ATAD2: variants seen among roughly 807,000 people sequenced by gnomAD.
ATAD2 encodes the protein ATPase family AAA domain-containing protein 2.
Under a neutral mutation model 168.9 loss-of-function variants are expected in ATAD2, and 62 were observed. That is an observed-to-expected ratio of 0.37 (90% CI 0.30 to 0.45). ATAD2 has a LOEUF of 0.45. Among genes scored for constraint, ATAD2 ranks in the 20% least tolerant of loss-of-function variants. The pLI is 1.00. For synonymous variants in ATAD2, 613 were observed against 571.6 expected, an observed-to-expected ratio of 1.07 and a Z score of -1.03; for missense variants, 1,419 against 1,667.8, an observed-to-expected ratio of 0.85 and a Z score of 2.60.
chr8:123,408,709 G>C (rs1813104574), intron 1 of ATAD2, among the ~76,000 whole-genome samples: 1 of 152,136 alleles, frequency 6.6e-6, no homozygotes, highest in Non-Finnish European at 1.5e-5. Flanking sequence ...TAGAGACAGG[G>C]TTTCACCATG....
At chr8:123,362,159 G>T (rs575552531) in intron 8 of ATAD2, among the ~76,000 whole-genome samples, 2 of 152,094 alleles carry the variant, frequency 1.3e-5, no homozygotes, top group Non-Finnish European at 2.9e-5. Flanking sequence ...AGGTATGGTT[G>T]TAGCACATCT....
At chr8:123,356,946 A>G (rs1003459700) in intron 12 of ATAD2, among the ~76,000 whole-genome samples, 1 of 152,190 alleles carries the variant, frequency 6.6e-6, no homozygotes, top group Non-Finnish European at 1.5e-5. Flanking sequence ...TAGATTTCAC[A>G]TAGCTATCGT....
Position 123,334,005 on chromosome 8 carries a change from T to C in ATAD2, c.3351A>G (p.Lys1117=), listed in dbSNP as rs998777496. The part of the protein sequence containing the change: ...SRKKRGCSSS[K]YAPSYYHVMP... ...TCACATGGTAGTAAGACGGGGCATA[T>C]TTGGAGGAGCTACAACCTTATAAAT... Residue 1117 remains lysine, a synonymous_variant, in exon 24 of 28, where the codon AAA becomes AAG. Coordinates refer to ENST00000287394, the MANE Select transcript of ATAD2 (RefSeq NM_014109.4). The C allele has an allele frequency of 1.9e-6, 3 of 1,613,814 alleles. No homozygotes were observed. The African/African-American group carries it at 4.0e-5, about 22-fold the overall frequency.
At chr8:123,372,981 CT>C (rs958344591) in intron 2 of ATAD2, among the ~76,000 whole-genome samples, 2 of 151,910 alleles carry the variant, frequency 1.3e-5, no homozygotes, top group African/African-American at 4.8e-5. Context: ...CAAGCTCCCC[CT>C]CCTGGGTTCA....
rs201866636 is a variant in ATAD2, at chr8:123,359,558, T to A, written c.1266+19A>T. 9.5e-5 allele frequency: 149 copies of A among 1,576,530 alleles called. 2 individuals carry two copies. The East Asian group carries it at 3.3e-3, about 35-fold the overall frequency. ...AGCACATTATAGTTCAAGCATATGTTTCAAAACAGAGTACTCACTGAAGAA... is the reference window on the plus strand; with the variant it reads ...AGCACATTATAGTTCAAGCATATGTATCAAAACAGAGTACTCACTGAAGAA... On this transcript the variant is annotated intron_variant, in intron 10 of 27. Transcript: ENST00000287394.
At chr8:123,359,998 T>C (rs1243416087) in intron 9 of ATAD2, among the ~76,000 whole-genome samples, 6 of 152,156 alleles carry the variant, frequency 3.9e-5, no homozygotes, top group Non-Finnish European at 8.8e-5. Context: ...TTAATGGAGG[T>C]GTCTAACACA....
In ATAD2 at chr8:123,371,729, C is replaced by T; in HGVS notation, c.477G>A (p.Arg159=). 1.2e-6 allele frequency: 2 copies of T among 1,613,526 alleles called. No individual in the cohort carries two copies. Among genetic ancestry groups the T allele is most frequent in the East Asian group, 2.2e-5 (1 of 44,836 alleles). ...TTACACCACTATAACGACTTCTAATCCTACAACTTCGACGCACTTCAACAT... is the reference window on the plus strand; with the variant it reads ...TTACACCACTATAACGACTTCTAATTCTACAACTTCGACGCACTTCAACAT... ...NGDVEVRRSC[R]IRSRYSGVNQ... Residue 159 remains arginine, a synonymous_variant, in exon 4 of 28, where the codon AGG becomes AGA. Transcript: ENST00000287394.
intron 26 of ATAD2, among the ~76,000 whole-genome samples, chr8:123,324,019 A>C (rs145511077): frequency 0.01 from 1,532 of 152,348 alleles, 27 homozygotes; most frequent in African/African-American, 0.036. Flanking sequence ...CCCAAACAAC[A>C]TAACACGGTG....
At chr8:123,353,125 A>G (rs1828525874) in intron 13 of ATAD2, among the ~76,000 whole-genome samples, 1 of 152,056 alleles carries the variant, frequency 6.6e-6, no homozygotes, top group African/African-American at 2.4e-5. Flanking sequence ...GCACTTTGGG[A>G]GGCTGAGGCA....
At chr8:123,342,417 C>T (rs1325763011) in intron 19 of ATAD2, 2 of 151,876 alleles carry the variant, frequency 1.3e-5, no homozygotes, top group African/African-American at 2.4e-5. Context: ...AAGATTTGTG[C>T]TCACTTCAGC....
intron 1 of ATAD2, among the ~76,000 whole-genome samples, chr8:123,408,555 C>A (rs544110161): frequency 6.6e-6 from 1 of 152,246 alleles, no homozygotes; most frequent in African/African-American, 2.4e-5. Context: ...TCACTCTTGT[C>A]GCCCAGGCTG....
intron 15 of ATAD2, chr8:123,347,899 G>A (rs892987028): frequency 1.4e-5 from 5 of 370,258 alleles, no homozygotes; most frequent in African/African-American, 1.1e-4. Context: ...ATAATATATT[G>A]TATTTTGTAC....
chr8:123,325,752 A>G, intron 26 of ATAD2, 141 bp downstream of exon 26: 2 of 1,091,108 alleles, frequency 1.8e-6, no homozygotes, highest in Non-Finnish European at 2.6e-6. Flanking sequence ...GAAGGAGAAG[A>G]ACAGTAAAGG....
At chr8:123,322,631 C>G (rs147932055) in intron 27 of ATAD2, among the ~76,000 whole-genome samples, 240 of 152,236 alleles carry the variant, frequency 1.6e-3, no homozygotes, top group Middle Eastern at 0.014. Flanking sequence ...TGAGATCGCA[C>G]CACTGCACTC....
intron 27 of ATAD2, among the ~76,000 whole-genome samples, chr8:123,321,987 C>CGTTTTTTTTTTTTTTTTTT (rs1827481754): frequency 7.3e-6 from 1 of 136,484 alleles, no homozygotes; most frequent in African/African-American, 2.8e-5. Flanking sequence ...GTACATAAGT[C>CGTTTTTTTTTTTTTTTTTT]TTTTTTTTTT....
At position 123,321,225 on chromosome 8, in the gene ATAD2, C is replaced by G. The variant is rs770647304; in HGVS notation, c.4132-50G>C. The G allele has an allele frequency of 2.1e-5, 30 of 1,455,730 alleles. No individual in the cohort carries two copies. The South Asian group carries it at 3.5e-4, about 17-fold the overall frequency. 90.2% of individuals were successfully genotyped at this position (1,455,730 alleles called of 1,614,324 possible). A position where few individuals can be genotyped will look rare whatever the true frequency, so the allele number is the denominator to read the frequency against. ...ATAGTAAGTTTCAATATGGAATAAG[C>G]TAAAGAAACATTTCATTACTTTTTC... On this transcript the variant is annotated intron_variant, in intron 27 of 27. Coordinates refer to ENST00000287394, the MANE Select transcript of ATAD2 (RefSeq NM_014109.4).
Position 123,320,201 on chromosome 8 carries a change from A to G in ATAD2, c.*933T>C, listed in dbSNP as rs1411870983. 1 of 152,142 alleles carries G rather than the reference A, an allele frequency of 6.6e-6. No individual in the cohort carries two copies. Among genetic ancestry groups the G allele is most frequent in the Non-Finnish European group, 1.5e-5 (1 of 68,006 alleles). 9.4% of individuals were successfully genotyped at this position (152,142 alleles called of 1,614,324 possible). A position where few individuals can be genotyped will look rare whatever the true frequency, so the allele number is the denominator to read the frequency against. On this transcript the variant is annotated 3_prime_UTR_variant, in exon 28 of 28. Transcript: ENST00000287394. Reference sequence around the variant, plus strand: ...CCTTATTCCCCTCAAAAGGTTTCCAACAGAAGCTATTTCACAAACTGATTA... The same window carrying G: ...CCTTATTCCCCTCAAAAGGTTTCCAGCAGAAGCTATTTCACAAACTGATTA...
chr8:123,371,126 T>A, intron 5 of ATAD2, 110 bp downstream of exon 5: 1 of 1,098,028 alleles, frequency 9.1e-7, no homozygotes, highest in East Asian at 2.7e-5. Flanking sequence ...AACTAATGAC[T>A]GATCAAATAA....
intron 1 of ATAD2, among the ~76,000 whole-genome samples, chr8:123,389,980 ATATATTTTT>A (rs1463123733): frequency 1.8e-5 from 2 of 110,820 alleles, no homozygotes; most frequent in African/African-American, 1.0e-4. Context: ...ATATATATAT[ATATATTTTT>A]TTTTTTTTAG....
Sources: allele counts gnomAD v4.1 joint callset (sites outside exome capture counted in the v4.1 genomes callset), GRCh38; gene constraint gnomAD v4.1.1; transcripts MANE v1.5; gene names NCBI Gene and HGNC (gene_info 2026-07-23, HGNC 2026-07-21).